The following CFAP299 variants were observed in gnomAD, a reference collection of about 807,000 sequenced individuals.
CFAP299 encodes cilia- and flagella-associated protein 299.
In CFAP299, 21 loss-of-function variants were observed where a neutral mutation model predicts 27.0. That is an observed-to-expected ratio of 0.78 (90% CI 0.55 to 1.12). The LOEUF (loss-of-function observed/expected upper bound fraction) is 1.12, where lower values mean the gene tolerates loss of function less well. Among genes scored for constraint, CFAP299 ranks in the 50% most tolerant of loss-of-function variants. CFAP299 has a pLI of 0.00. For missense variants in CFAP299, 310 were observed against 276.6 expected, an observed-to-expected ratio of 1.12 and a Z score of -0.86; for synonymous variants, 104 against 98.1, an observed-to-expected ratio of 1.06 and a Z score of -0.36.
At chr4:80,645,866 T>C (rs1379629528) in intron 3 of CFAP299, among the ~76,000 whole-genome samples, 4 of 152,158 alleles carry the variant, frequency 2.6e-5, no homozygotes, top group Non-Finnish European at 5.9e-5. Flanking sequence ...CACAACAATA[T>C]CAGGTAAAAT....
intron 1 of CFAP299, 87 bp downstream of exon 1, chr4:80,335,966 G>A (rs1722119294): frequency 1.2e-6 from 1 of 844,862 alleles, no homozygotes; most frequent in Non-Finnish European, 2.0e-6. Context: ...GTCGCCCCCT[G>A]GCGCTGGACA....
At chr4:80,513,910 G>A (rs1056249673) in intron 2 of CFAP299, among the ~76,000 whole-genome samples, 5 of 151,984 alleles carry the variant, frequency 3.3e-5, no homozygotes, top group Non-Finnish European at 7.4e-5. Context: ...TTAAGTGAGA[G>A]ACCTTAACCC....
chr4:80,614,192 G>T (rs1238391472), intron 3 of CFAP299, among the ~76,000 whole-genome samples: 1 of 152,086 alleles, frequency 6.6e-6, no homozygotes, highest in African/African-American at 2.4e-5. Flanking sequence ...CTGAAATAAT[G>T]CTATTTTTTT....
chr4:80,795,478 A>G (rs1395659574), intron 3 of CFAP299, among the ~76,000 whole-genome samples: 3 of 151,962 alleles, frequency 2.0e-5, no homozygotes, highest in Non-Finnish European at 4.4e-5. Flanking sequence ...ATTGTGCAGA[A>G]CCATCTGTGA....
intron 3 of CFAP299, among the ~76,000 whole-genome samples, chr4:80,592,748 A>G: frequency 6.6e-6 from 1 of 152,194 alleles, no homozygotes; most frequent in Non-Finnish European, 1.5e-5. Context: ...AAAACACTGA[A>G]GTAATATGTA....
At chr4:80,605,636 A>G (rs1737619453) in intron 3 of CFAP299, among the ~76,000 whole-genome samples, 1 of 152,224 alleles carries the variant, frequency 6.6e-6, no homozygotes. Flanking sequence ...AAAAGAAGGC[A>G]TGCACTTGTT....
chr4:80,465,880 G>A (rs1372892711), intron 2 of CFAP299, among the ~76,000 whole-genome samples: 1 of 152,126 alleles, frequency 6.6e-6, no homozygotes, highest in Non-Finnish European at 1.5e-5. Flanking sequence ...ACAAGAAAAG[G>A]AATGCTGAAG....
intron 5 of CFAP299, among the ~76,000 whole-genome samples, chr4:80,962,615 C>T (rs1266906308): frequency 6.6e-6 from 1 of 151,824 alleles, no homozygotes; most frequent in East Asian, 1.9e-4. Flanking sequence ...GCAAAACTAA[C>T]TTAGATGGGG....
At chr4:80,383,045 A>T (rs971258399) in intron 2 of CFAP299, among the ~76,000 whole-genome samples, 74 of 152,290 alleles carry the variant, frequency 4.9e-4, no homozygotes, top group African/African-American at 1.6e-3. Flanking sequence ...ATAAATGGAT[A>T]TGGAGGGCAT....
At chr4:80,738,371 T>C (rs1372125879) in intron 3 of CFAP299, among the ~76,000 whole-genome samples, 1 of 152,186 alleles carries the variant, frequency 6.6e-6, no homozygotes, top group African/African-American at 2.4e-5. Context: ...TGTGTCTCTC[T>C]TTAGCTCTAA....
intron 3 of CFAP299, among the ~76,000 whole-genome samples, chr4:80,639,033 A>G (rs987112945): frequency 6.6e-6 from 1 of 152,118 alleles, no homozygotes; most frequent in Non-Finnish European, 1.5e-5. Context: ...GTCTCTTCTT[A>G]TAAGGCCACT....
rs548080035 is a variant in CFAP299 at position 80,860,143 on chromosome 4, C to T, written c.334-9850C>T. Among the ~76,000 whole-genome samples, 158 of 152,226 alleles carry T rather than the reference C, an allele frequency of 1.0e-3. 1 individual carries two copies. Among genetic ancestry groups the T allele is most frequent in the African/African-American group, 3.5e-3 (145 of 41,542 alleles). On this transcript the variant is annotated intron_variant, in intron 3 of 5. Coordinates refer to ENST00000358105, the MANE Select transcript of CFAP299 (RefSeq NM_152770.3). ...TCTTTTTTCTCTAAACTTCCCTTCTCGCTTCATTTCATTCATTTCATCTTC... is the reference window on the plus strand; with the variant it reads ...TCTTTTTTCTCTAAACTTCCCTTCTTGCTTCATTTCATTCATTTCATCTTC...
chr4:80,494,828 A>T lies in CFAP299; in HGVS notation c.243-88265A>T, dbSNP rs370193137. On this transcript the variant is annotated intron_variant, in intron 2 of 5. Coordinates refer to ENST00000358105, the MANE Select transcript of CFAP299 (RefSeq NM_152770.3). ...TACAAGTTACTTATTTCCAAGATAC[A>T]ATGGGGGTATAAACATTCCCATTTC... Among the ~76,000 whole-genome samples the T allele has an allele frequency of 1.2e-4, 18 of 152,344 alleles. No individual in the cohort carries two copies. In the East Asian group the frequency reaches 3.5e-3, roughly 29 times the overall value.
At chr4:80,591,335 G>A (rs1336083929) in intron 3 of CFAP299, among the ~76,000 whole-genome samples, 1 of 151,330 alleles carries the variant, frequency 6.6e-6, no homozygotes, top group East Asian at 1.9e-4. Flanking sequence ...GTTTTAGCCG[G>A]GATGGTCTCG....
chr4:80,725,679 A>T (rs563866019), intron 3 of CFAP299, among the ~76,000 whole-genome samples: 1 of 152,230 alleles, frequency 6.6e-6, no homozygotes, highest in East Asian at 1.9e-4. Context: ...TACAAATCTC[A>T]TTGCTAGCCT....
intron 2 of CFAP299, among the ~76,000 whole-genome samples, chr4:80,477,341 A>G (rs1410545996): frequency 1.3e-5 from 2 of 152,146 alleles, no homozygotes; most frequent in African/African-American, 4.8e-5. Flanking sequence ...GATTACAGGC[A>G]TGAGCCACCA....
intron 4 of CFAP299, among the ~76,000 whole-genome samples, chr4:80,920,458 TC>T (rs1735989851): frequency 6.6e-6 from 1 of 152,140 alleles, no homozygotes; most frequent in Non-Finnish European, 1.5e-5. Flanking sequence ...TTATAAGATG[TC>T]CACCTCTGAT....
intron 5 of CFAP299, among the ~76,000 whole-genome samples, chr4:80,950,572 T>C (rs1226273016): frequency 6.6e-6 from 1 of 151,962 alleles, no homozygotes; most frequent in Admixed American, 6.6e-5. Context: ...AAGGGTGTTC[T>C]GATAGGAAGA....
intron 3 of CFAP299, among the ~76,000 whole-genome samples, chr4:80,860,158 A>G (rs1162641854): frequency 2.6e-5 from 4 of 151,756 alleles, no homozygotes. Flanking sequence ...CATTTCATTC[A>G]TTTCATCTTC....
Sources: allele counts gnomAD v4.1 joint callset (sites outside exome capture counted in the v4.1 genomes callset), GRCh38; gene constraint gnomAD v4.1.1; transcripts MANE v1.5; gene names NCBI Gene and HGNC (gene_info 2026-07-23, HGNC 2026-07-21).